ESR1: variants seen among roughly 807,000 people sequenced by gnomAD.
The protein encoded by ESR1 is estrogen receptor.
In ESR1, 12 loss-of-function variants were observed where a neutral mutation model predicts 52.7. The ratio of observed to expected loss-of-function variants is 0.23; its 90% CI spans 0.15 to 0.37. The LOEUF is 0.37. Ranked by LOEUF, ESR1 falls within the 10% of genes least tolerant of loss-of-function variation. The probability of loss-of-function intolerance (pLI) is 1.00; values close to 1 mark genes in which losing one functional copy is unlikely to be tolerated. For missense variants in ESR1, 584 were observed against 779.7 expected (o/e 0.75, Z 2.99); for synonymous variants, 305 against 316.8 (o/e 0.96, Z 0.39).
At chr6:152,113,830 A>G (rs2051176467) in intron 6 of ESR1, among the ~76,000 whole-genome samples, 1 of 152,152 alleles carries the variant, frequency 6.6e-6, no homozygotes, top group Admixed American at 6.5e-5. Context: ...AGGAGGCACC[A>G]TTATTATCCC....
chr6:152,084,478 G>A (rs1016517624), intron 6 of ESR1, among the ~76,000 whole-genome samples: 3 of 151,666 alleles, frequency 2.0e-5, no homozygotes, highest in African/African-American at 4.8e-5. Flanking sequence ...CTCCCACCAC[G>A]ATTCTAAGGC....
intron 5 of ESR1, among the ~76,000 whole-genome samples, chr6:152,041,972 C>T (rs1369014481): frequency 2.0e-5 from 3 of 152,198 alleles, no homozygotes; most frequent in African/African-American, 7.2e-5. Flanking sequence ...GTTAAGCTTA[C>T]AATAATCCAC....
chr6:151,829,790 G>A (rs1782096750), intron 1 of ESR1, among the ~76,000 whole-genome samples: 1 of 152,144 alleles, frequency 6.6e-6, no homozygotes, highest in Admixed American at 6.5e-5. Flanking sequence ...GTGCAGAGGG[G>A]TTCGGTGACT....
At chr6:152,010,416 C>T (rs1181127229) in intron 4 of ESR1, among the ~76,000 whole-genome samples, 3 of 152,008 alleles carry the variant, frequency 2.0e-5, no homozygotes, top group African/African-American at 7.2e-5. Context: ...CACATACACT[C>T]AACAGGATTC....
chr6:151,732,869 T>C (rs1782361663), intron 2 of ESR1, among the ~76,000 whole-genome samples: 1 of 152,118 alleles, frequency 6.6e-6, no homozygotes, highest in Non-Finnish European at 1.5e-5. Context: ...GGAAGAGAAC[T>C]AGAAGTTTTT....
chr6:151,741,026 C>G (rs1171640393), intron 2 of ESR1, among the ~76,000 whole-genome samples: 1 of 152,124 alleles, frequency 6.6e-6, no homozygotes, highest in African/African-American at 2.4e-5. Flanking sequence ...TGCCTCCTGG[C>G]CAGCCAGCTT....
At chr6:151,899,236 G>A (rs1796123007) in intron 3 of ESR1, among the ~76,000 whole-genome samples, 1 of 140,882 alleles carries the variant, frequency 7.1e-6, no homozygotes, top group Non-Finnish European at 1.5e-5. Context: ...GGACTGGGCA[G>A]CTGGCCAGGC....
chr6:151,715,092 A>T (rs987527899), intron 2 of ESR1, among the ~76,000 whole-genome samples: 1 of 152,188 alleles, frequency 6.6e-6, no homozygotes, highest in South Asian at 2.1e-4. Flanking sequence ...TCTTTCACTT[A>T]TGAAGCTTAG....
At chr6:151,962,731 A>G (rs1361359705) in intron 4 of ESR1, among the ~76,000 whole-genome samples, 2 of 152,070 alleles carry the variant, frequency 1.3e-5, no homozygotes, top group Admixed American at 6.6e-5. Flanking sequence ...TTTTTCATTC[A>G]TTGTGCTGGG....
intron 3 of ESR1, among the ~76,000 whole-genome samples, chr6:151,916,314 G>C (rs981615060): frequency 1.5e-4 from 23 of 152,144 alleles, no homozygotes; most frequent in African/African-American, 5.3e-4. Context: ...TTGGTGGAAT[G>C]TTGTCTTTTC....
intron 2 of ESR1, among the ~76,000 whole-genome samples, chr6:151,706,505 G>A (rs1489825417): frequency 6.6e-6 from 1 of 152,154 alleles, no homozygotes; most frequent in Admixed American, 6.6e-5. Flanking sequence ...AGAGAGGTGG[G>A]AGGGAAGAAG....
intron 5 of ESR1, among the ~76,000 whole-genome samples, chr6:152,054,322 G>A (rs1585027434): frequency 6.6e-6 from 1 of 151,994 alleles, no homozygotes; most frequent in East Asian, 1.9e-4. Flanking sequence ...CAGTTCCAGA[G>A]GAGTCTTTAA....
At chr6:151,772,690 A>T (rs1243395126) in intron 2 of ESR1, among the ~76,000 whole-genome samples, 1 of 152,194 alleles carries the variant, frequency 6.6e-6, no homozygotes, top group African/African-American at 2.4e-5. Flanking sequence ...GCTGACTGGA[A>T]AATCCCGGTT....
chr6:152,020,255 A>AAT (rs1189653722), intron 5 of ESR1, among the ~76,000 whole-genome samples: 1 of 152,166 alleles, frequency 6.6e-6, no homozygotes, highest in African/African-American at 2.4e-5. Context: ...AGCATACTGT[A>AAT]ATATATATAA....
Position 151,807,698 on chromosome 6 carries a change from T to A in ESR1, c.-215T>A. 1.6e-6 allele frequency: 1 copy of A among 613,992 alleles called. No individual in the cohort carries two copies. The highest frequency in any genetic ancestry group is 1.9e-5 in the South Asian group (1 of 52,752). 38.0% of individuals were successfully genotyped at this position (613,992 alleles called of 1,614,324 possible). A position where few individuals can be genotyped will look rare whatever the true frequency, so the allele number is the denominator to read the frequency against. On this transcript the variant is annotated 5_prime_UTR_variant, in exon 1 of 8. Transcript: ENST00000206249. ...GAGCCCAGGAGCTGGCGGAGGGCGT[T>A]CGTCCTGGGACTGCACTTGCTCCCG...
intron 2 of ESR1, among the ~76,000 whole-genome samples, chr6:151,720,666 C>CT (rs1464587515): frequency 6.6e-6 from 1 of 152,032 alleles, no homozygotes; most frequent in Non-Finnish European, 1.5e-5. Context: ...TTATAGTATT[C>CT]TTTGGGATAC....
chr6:151,947,014 G>T (rs530322136), intron 4 of ESR1, among the ~76,000 whole-genome samples: 9 of 152,248 alleles, frequency 5.9e-5, no homozygotes, highest in Admixed American at 5.9e-4. Context: ...AATAATAATA[G>T]TAAGTTTTAA....
chr6:151,728,090 C>T (rs1781974914), intron 2 of ESR1, among the ~76,000 whole-genome samples: 1 of 152,052 alleles, frequency 6.6e-6, no homozygotes, highest in Admixed American at 6.6e-5. Flanking sequence ...AGGACACTCA[C>T]AGCTTTGTGT....
chr6:151,669,940 A>G (rs1180610692), intron 1 of ESR1, among the ~76,000 whole-genome samples: 1 of 152,216 alleles, frequency 6.6e-6, no homozygotes, highest in African/African-American at 2.4e-5. Context: ...TGTTGGAGGC[A>G]AATTTAGATC....
Sources: allele counts gnomAD v4.1 joint callset (sites outside exome capture counted in the v4.1 genomes callset), GRCh38; gene constraint gnomAD v4.1.1; transcripts MANE v1.5; gene names NCBI Gene and HGNC (gene_info 2026-07-23, HGNC 2026-07-21).